CSF1R: variants seen among roughly 807,000 people sequenced by gnomAD.
CSF1R encodes the protein colony stimulating factor 1 receptor.
A neutral mutation model predicts 110.0 loss-of-function variants in CSF1R; 40 were observed. The observed-to-expected ratio is 0.36, with a 90% CI of 0.28 to 0.47. The LOEUF (loss-of-function observed/expected upper bound fraction) is 0.47, where lower values mean the gene tolerates loss of function less well. CSF1R is among the 20% of genes least tolerant of loss of function. The probability of loss-of-function intolerance (pLI) is 0.99; values close to 1 mark genes in which losing one functional copy is unlikely to be tolerated. For missense variants in CSF1R, 1,052 were observed against 1,253.0 expected (o/e 0.84, Z 2.42); for synonymous variants, 523 against 503.4 (o/e 1.04, Z -0.52).
chr5:150,080,398 G>A (rs1302952311), intron 2 of CSF1R, 62 bp from the exon 3 acceptor site: 1 of 1,562,436 alleles, frequency 6.4e-7, no homozygotes, highest in South Asian at 1.2e-5. Context: ...AGGAGTACCT[G>A]GACATAGGTG....
chr5:150,067,247 T>C, intron 10 of CSF1R: 1 of 152,080 alleles, frequency 6.6e-6, no homozygotes, highest in Non-Finnish European at 1.5e-5. Context: ...ATGGGTAAGA[T>C]ACTGACTAGT....
chr5:150,085,955 G>A (rs1013540376), intron 1 of CSF1R, among the ~76,000 whole-genome samples: 2 of 152,108 alleles, frequency 1.3e-5, no homozygotes, highest in African/African-American at 2.4e-5. Flanking sequence ...ATCTCAGGTC[G>A]CACCTGAGAC....
chr5:150,086,279 A>C (rs1215234545), intron 1 of CSF1R, 100 bp downstream of exon 1: 19 of 1,219,530 alleles, frequency 1.6e-5, no homozygotes, highest in Non-Finnish European at 1.9e-5. Flanking sequence ...AGACTAAAAC[A>C]GCCTGAGGAC....
rs60716795 is a variant in CSF1R at position 150,072,719 on chromosome 5, C to T, written c.1082+582G>A. Among the ~76,000 whole-genome samples the T allele has an allele frequency of 5.8e-3, 888 of 152,090 alleles. 9 individuals are homozygous for T. The highest frequency in any genetic ancestry group is 0.02 in the African/African-American group (837 of 41,490). ...ACACAGGATTGTGGGAGTGGAGAGA[C>T]GGAAGAAGAGGGGTGTGGAGTTATT... is the stretch of plus-strand genomic sequence containing the variant. On this transcript the variant is annotated intron_variant, in intron 6 of 20. Coordinates refer to ENST00000675795, the MANE Select transcript of CSF1R (RefSeq NM_001288705.3).
intron 5 of CSF1R, 70 bp downstream of exon 5, chr5:150,077,206 T>C: frequency 6.3e-7 from 1 of 1,595,116 alleles, no homozygotes; most frequent in Middle Eastern, 1.7e-4. Context: ...ATCAGCTTCC[T>C]CCTCAAAACC....
At chr5:150,064,860 C>A (rs1012615939) in intron 10 of CSF1R, among the ~76,000 whole-genome samples, 6 of 152,200 alleles carry the variant, frequency 3.9e-5, no homozygotes, top group African/African-American at 1.4e-4. Context: ...CCTCCCCTGC[C>A]CCTGCTGGGC....
At chr5:150,067,918 G>A (rs1757845362) in intron 10 of CSF1R, among the ~76,000 whole-genome samples, 1 of 152,046 alleles carries the variant, frequency 6.6e-6, no homozygotes, top group Non-Finnish European at 1.5e-5. Flanking sequence ...CTAACTCCTG[G>A]CCTCAAGCAA....
chr5:150,097,669 A>T (rs1485207655), intron 1 of CSF1R, among the ~76,000 whole-genome samples: 1 of 152,264 alleles, frequency 6.6e-6, no homozygotes, highest in Non-Finnish European at 1.5e-5. Flanking sequence ...ACTGAAAAAA[A>T]CATGAAACAC....
At chr5:150,054,463 G>A (rs745751876) in intron 19 of CSF1R, 33 bp from the exon 20 acceptor site, 2 of 1,571,368 alleles carry the variant, frequency 1.3e-6, no homozygotes, top group Non-Finnish European at 1.7e-6. Flanking sequence ...CCCATGGGCA[G>A]CTCCCTAGGG....
At position 150,061,610 on chromosome 5, in the gene CSF1R, G is replaced by C. The variant is rs1757531836; in HGVS notation, c.1754-15C>G. 6.2e-7 allele frequency: 1 copy of C among 1,613,940 alleles called. No individual in the cohort carries two copies. The highest frequency in any genetic ancestry group is 1.1e-5 in the South Asian group (1 of 91,084). ...GAGGGTCTTACCTGCCACGCACACA[G>C]GTCCCTTAAGTCCCTGGGCACCAAA... On this transcript the variant is annotated splice_polypyrimidine_tract_variant and intron_variant, in intron 11 of 20. Transcript: ENST00000675795.
In CSF1R at chr5:150,057,387, A is replaced by G. The variant is rs747007270; in HGVS notation, c.2222-3T>C. On this transcript the variant is annotated splice_region_variant and splice_polypyrimidine_tract_variant and intron_variant, in intron 15 of 20. Coordinates refer to ENST00000675795, the MANE Select transcript of CSF1R (RefSeq NM_001288705.3). The stretch of plus-strand genomic sequence containing the variant: ...CCGTCCATCCTCCTTGTCCAGGTCT[A>G]GGGTGGGAAGAGGCGTCAGGGCAGC... 9 of 1,613,894 alleles carry G rather than the reference A, an allele frequency of 5.6e-6. No homozygotes were observed. Among genetic ancestry groups the G allele is most frequent in the Non-Finnish European group, 7.6e-6 (9 of 1,179,820 alleles).
intron 19 of CSF1R, among the ~76,000 whole-genome samples, chr5:150,054,993 CAAAA>C (rs11342950): frequency 5.3e-5 from 4 of 74,778 alleles, no homozygotes; most frequent in African/African-American, 8.6e-5. Flanking sequence ...GATGCTGTCT[CAAAA>C]AAAAAAAAAA....
Position 150,061,779 on chromosome 5 carries a change from G to A in CSF1R, c.1697C>T (p.Pro566Leu), listed in dbSNP as rs753189846. The A allele has an allele frequency of 6.2e-7, 1 of 1,614,232 alleles. No homozygotes were observed. The highest frequency in any genetic ancestry group is 1.1e-5 in the South Asian group (1 of 91,084). The change falls in exon 11 of 21, where the codon CCC becomes CTC. Residue 566 changes from proline to leucine, a missense_variant. Around this residue, in one of 5 missense-constraint regions of CSF1R, gnomAD observed 693 missense variants for 735.4 expected, o/e 0.94. Transcript: ENST00000675795. Reference protein sequence around the residue: ...YEGNSYTFIDPTQLPYNEKWE... With the variant: ...YEGNSYTFIDLTQLPYNEKWE... ...CTTCTCGTTGTAAGGCAGCTGCGTG[G>A]GGTCGATGAAAGTATAACTGTTGCC...
chr5:150,086,529 G>A lies in CSF1R; in HGVS notation c.-102C>T, dbSNP rs886060259. ...GCAGGGATCGGGACACTGGACACAC[G>A]TTCCTCTCCTCTGCACTGGCTGTTT... On this transcript the variant is annotated 5_prime_UTR_variant, in exon 1 of 21. In the 5' UTR this introduces an upstream ATG that the reference lacks. Transcript: ENST00000675795. 12 of 1,102,478 alleles carry A rather than the reference G, an allele frequency of 1.1e-5. No homozygotes were observed. Among genetic ancestry groups the A allele is most frequent in the East Asian group, 2.5e-5 (1 of 39,320 alleles). 68.3% of individuals were successfully genotyped at this position (1,102,478 alleles called of 1,614,324 possible).
intron 1 of CSF1R, among the ~76,000 whole-genome samples, chr5:150,105,384 A>ATATATAT (rs1325691091): frequency 1.2e-5 from 1 of 84,248 alleles, no homozygotes; most frequent in Admixed American, 1.6e-4. Flanking sequence ...ATATATATAT[A>ATATATAT]TTTTTTTTTT....
chr5:150,077,079 G>T, intron 5 of CSF1R, 197 bp downstream of exon 5: 1 of 691,278 alleles, frequency 1.4e-6, no homozygotes, highest in Non-Finnish European at 2.5e-6. Flanking sequence ...AGAGCTCCAA[G>T]ATGGGAGAGA....
At chr5:150,084,396 AAGGAAG>A (rs1561945964) in intron 1 of CSF1R, among the ~76,000 whole-genome samples, 513 of 43,676 alleles carry the variant, frequency 0.012, 3 homozygotes, top group Non-Finnish European at 0.013. Flanking sequence ...AGAAAGAAGG[AAGGAAG>A]GAAGGAAGGA....
At chr5:150,060,785 G>A (rs555336574) in intron 13 of CSF1R, 77 bp downstream of exon 13, 37 of 893,172 alleles carry the variant, frequency 4.1e-5, no homozygotes, top group Middle Eastern at 2.2e-4. Flanking sequence ...AGGAGAAGAC[G>A]GAACAAGGTA....
intron 1 of CSF1R, among the ~76,000 whole-genome samples, chr5:150,094,063 CAA>C (rs58394685): frequency 0.026 from 2,726 of 106,298 alleles, 63 homozygotes; most frequent in African/African-American, 0.08. Context: ...AATTCCATCT[CAA>C]AAAAAAAAAA....
Sources: allele counts gnomAD v4.1 joint callset (sites outside exome capture counted in the v4.1 genomes callset), GRCh38; gene constraint gnomAD v4.1.1; regional missense constraint gnomAD v4.1.1; transcripts MANE v1.5; gene names NCBI Gene and HGNC (gene_info 2026-07-23, HGNC 2026-07-21).